The following FLNC variants were observed in gnomAD, a reference collection of about 807,000 sequenced individuals.
FLNC encodes filamin-C.
FLNC carries 91 observed loss-of-function variants against 254.3 expected under a neutral mutation model. The ratio of observed to expected loss-of-function variants is 0.36; its 90% CI spans 0.30 to 0.43. FLNC has a LOEUF of 0.43. FLNC is among the 20% of genes least tolerant of loss of function. The pLI, the probability that FLNC is intolerant of heterozygous loss-of-function variation, is 1.00. For synonymous variants in FLNC, 1,430 were observed against 1,577.2 expected, an observed-to-expected ratio of 0.91 and a Z score of 2.21; for missense variants, 2,853 against 3,802.6, an observed-to-expected ratio of 0.75 and a Z score of 6.57.
rs778583356 is a variant in FLNC at position 128,848,066 on chromosome 7, C to G, written c.4578C>G (p.Arg1526=). The change falls in exon 26 of 48, where the codon CGC becomes CGG. Residue 1526 remains arginine, a splice_region_variant and synonymous_variant. Coordinates refer to ENST00000325888, the MANE Select transcript of FLNC (RefSeq NM_001458.5). The part of the protein sequence containing the change: ...AVKYADQEVP[R]SPFKIKVLPA... ...AGTATGCTGACCAGGAGGTGCCACG[C>G]AGGTGAGGACCAGCCCTGGGCTCCT... is the stretch of plus-strand genomic sequence containing the variant. The G allele has an allele frequency of 1.2e-6, 2 of 1,602,500 alleles. No individual in the cohort carries two copies. Among genetic ancestry groups the G allele is most frequent in the South Asian group, 1.1e-5 (1 of 89,326 alleles).
rs1375891204 is a variant in FLNC at position 128,845,212 on chromosome 7, T to C, written c.3747T>C (p.Asp1249=). 2 of 1,613,842 alleles carry C rather than the reference T, an allele frequency of 1.2e-6. No homozygotes were observed. Among genetic ancestry groups the C allele is most frequent in the East Asian group, 4.5e-5 (2 of 44,882 alleles). Residue 1249 remains aspartate, a synonymous_variant, in exon 21 of 48, where the codon GAT becomes GAC. Transcript: ENST00000325888. ...GTGTCCATGTGCAGCCTGCGGTCGATACCAGTGGCGTCAAGGTCTCAGGGC... is the reference window on the plus strand; with the variant it reads ...GTGTCCATGTGCAGCCTGCGGTCGACACCAGTGGCGTCAAGGTCTCAGGGC... ...PTRVHVQPAV[D]TSGVKVSGPG...
rs1289635290 is a variant in FLNC, at chr7:128,859,055, C to T, written c.*532C>T. 1.8e-5 allele frequency: 3 copies of T among 168,852 alleles called. No homozygotes were observed. The highest frequency in any genetic ancestry group is 1.6e-4 in the East Asian group (1 of 6,266). 10.5% of individuals were successfully genotyped at this position (168,852 alleles called of 1,614,324 possible). On this transcript the variant is annotated 3_prime_UTR_variant, in exon 48 of 48. Coordinates refer to ENST00000325888, the MANE Select transcript of FLNC (RefSeq NM_001458.5). Reference sequence around the variant, plus strand: ...AGCAGGAGTGGCCTGGCACATGGACCGGCCTGAGCGATGTGCACTCCACCC... The same window carrying T: ...AGCAGGAGTGGCCTGGCACATGGACTGGCCTGAGCGATGTGCACTCCACCC...
rs78923673 is a variant in FLNC, at chr7:128,831,883, G to A, written c.352+894G>A. Among the ~76,000 whole-genome samples the A allele has an allele frequency of 3.0e-4, 45 of 152,254 alleles. No individual in the cohort carries two copies. The East Asian group carries it at 7.0e-3, about 24-fold the overall frequency. On this transcript the variant is annotated intron_variant, in intron 1 of 47. Coordinates refer to ENST00000325888, the MANE Select transcript of FLNC (RefSeq NM_001458.5). ...GCTTGGAGTGGCAGGAGGCTGTCCT[G>A]CCCTCAGAGTCCTGCAGTCATCCCT... is the stretch of plus-strand genomic sequence containing the variant.
Position 128,837,238 on chromosome 7 carries a change from A to G in FLNC, c.680A>G (p.Asp227Gly). The G allele has an allele frequency of 1.3e-6, 2 of 1,585,728 alleles. No individual in the cohort carries two copies. Among genetic ancestry groups the G allele is most frequent in the Non-Finnish European group, 1.7e-6 (2 of 1,166,468 alleles). The part of the protein sequence containing the change: ...NAREAMQQAD[D>G]WLGVPQVIAP... The stretch of plus-strand genomic sequence containing the variant: ...CGGGAGGCCATGCAGCAGGCCGACG[A>G]CTGGCTTGGGGTGCCCCAGGTACAT... The change falls in exon 3 of 48, where the codon GAC becomes GGC. Residue 227 changes from aspartate (D) to glycine (G), a missense_variant. Physicochemically the swap from Asp to Gly is moderately conservative, Grantham distance 94 (BLOSUM62 -1). Around this residue, in one of 10 missense-constraint regions of FLNC, gnomAD observed 115 missense variants for 230.3 expected, o/e 0.50. Coordinates refer to ENST00000325888, the MANE Select transcript of FLNC (RefSeq NM_001458.5).
intron 32 of FLNC, 124 bp from the exon 33 acceptor site, chr7:128,850,679 C>T (rs1284092775): frequency 6.8e-7 from 1 of 1,464,872 alleles, no homozygotes; most frequent in Middle Eastern, 2.3e-4. Flanking sequence ...GCCACTGCCA[C>T]AGGCTGTCTC....
In FLNC at chr7:128,841,588, T is replaced by C; in HGVS notation, c.2121+21T>C. The C allele has an allele frequency of 1.3e-6, 2 of 1,580,578 alleles. No individual in the cohort carries two copies. Among genetic ancestry groups the C allele is most frequent in the Non-Finnish European group, 1.7e-6 (2 of 1,149,402 alleles). On this transcript the variant is annotated intron_variant, in intron 13 of 47. Coordinates refer to ENST00000325888, the MANE Select transcript of FLNC (RefSeq NM_001458.5). This position sits in a 1 kb window ranked among gnomAD's most constrained non-coding sequence, Gnocchi z 4.3. ...CCCAGGTAGGTCATTGTCCAGTCTC[T>C]GCTGCCCTTACTACCCATGGCAGGG...
Position 128,848,994 on chromosome 7 carries a change from C to T in FLNC, c.4927+12C>T, listed in dbSNP as rs1403782225. The T allele has an allele frequency of 1.2e-5, 20 of 1,609,366 alleles. No homozygotes were observed. The highest frequency in any genetic ancestry group is 1.5e-5 in the Non-Finnish European group (18 of 1,178,164). ...GTGCCTCGTCACAGGTGGGTGCCCA[C>T]CCGCTGCCCGTGCCCTGCTCACCAC... On this transcript the variant is annotated intron_variant, in intron 28 of 47. Transcript: ENST00000325888.
chr7:128,841,386 C>A lies in FLNC; in HGVS notation c.2007+23C>A. 1 of 1,613,900 alleles carries A rather than the reference C, an allele frequency of 6.2e-7. No individual in the cohort carries two copies. On this transcript the variant is annotated intron_variant, in intron 12 of 47. Coordinates refer to ENST00000325888, the MANE Select transcript of FLNC (RefSeq NM_001458.5). This position sits in a 1 kb window ranked among gnomAD's most constrained non-coding sequence, Gnocchi z 4.3. Reference sequence around the variant, plus strand: ...AAGGTGTGGTCCCAGCTCACACACACCTGCCCCGGGGGTGGGGCAAGCTGG... The same window carrying A: ...AAGGTGTGGTCCCAGCTCACACACAACTGCCCCGGGGGTGGGGCAAGCTGG...
chr7:128,842,056 GTGGGCTCTGGCCGCCAGAGCACGTGGCCC>G lies in FLNC; in HGVS notation c.2122-164_2122-136del, dbSNP rs1229604373. Among the ~76,000 whole-genome samples, 2 of 152,058 alleles carry G rather than the reference GTGGGCTCTGGCCGCCAGAGCACGTGGCCC, an allele frequency of 1.3e-5. No individual in the cohort carries two copies. Among genetic ancestry groups the G allele is most frequent in the African/African-American group, 4.8e-5 (2 of 41,382 alleles). ...GATGGCCTTGAGTCAGGCTCCCAGG[GTGGGCTCTGGCCGCCAGAGCACGTGGCCC>G]TGGGCTCTGGTGGCCTCAGTGGCTG... On this transcript the variant is annotated intron_variant, in intron 13 of 47. Transcript: ENST00000325888. This position sits in a 1 kb window ranked among gnomAD's most constrained non-coding sequence, Gnocchi z 5.4.
chr7:128,839,740 G>A (rs1808250243), intron 8 of FLNC, among the ~76,000 whole-genome samples: 1 of 152,220 alleles, frequency 6.6e-6, no homozygotes, highest in Non-Finnish European at 1.5e-5. Context: ...CTGGGTAAAG[G>A]GGCCTTCCCT....
In FLNC at chr7:128,842,252, G is replaced by A. The variant is rs770037118; in HGVS notation, c.2143G>A (p.Asp715Asn). Residue 715 changes from aspartate to asparagine, a missense_variant, in exon 14 of 48, where the codon GAC (aspartate) becomes AAC (asparagine). This residue lies in a region of FLNC where 1,573 missense variants were observed against 1,883.5 expected (regional missense o/e 0.84). Transcript: ENST00000325888. The surrounding 1 kb of genome is among the most constrained non-coding windows in gnomAD (Gnocchi z 5.4). ...ACAGGACGCCGACGGCTGTCCCATC[G>A]ACATCAAGGTGATCCCCAACGGCGA... Reference protein sequence around the residue: ...YAQDADGCPIDIKVIPNGDGT... With the variant: ...YAQDADGCPINIKVIPNGDGT... 7 of 1,613,588 alleles carry A rather than the reference G, an allele frequency of 4.3e-6. No homozygotes were observed. In the East Asian group the frequency reaches 8.9e-5, roughly 21 times the overall value.
rs758066777 is a variant in FLNC, at chr7:128,844,176, G to T, written c.3102G>T (p.Gly1034=). ...QAVRYMPPEE[G]PYKVDITYDG... is the part of the protein sequence containing the mutation. ...TGCGCTACATGCCCCCGGAGGAGGG[G>T]CCCTACAAGGTGGATATCACCTACG... Residue 1034 remains glycine, a synonymous_variant, in exon 20 of 48, where the codon GGG becomes GGT. Transcript: ENST00000325888. The T allele has an allele frequency of 6.8e-6, 11 of 1,613,746 alleles. No individual in the cohort carries two copies. In the Admixed American group the frequency reaches 1.8e-4, roughly 27 times the overall value.
intron 9 of FLNC, 124 bp downstream of exon 9, chr7:128,840,284 A>C (rs1585155406): frequency 8.2e-7 from 1 of 1,224,956 alleles, no homozygotes. Flanking sequence ...GACCAGAGGC[A>C]CCCCAGAATC....
intron 8 of FLNC, among the ~76,000 whole-genome samples, chr7:128,839,105 T>C (rs1263095060): frequency 6.6e-6 from 1 of 152,244 alleles, no homozygotes; most frequent in East Asian, 1.9e-4. Context: ...GTTCTCTCCC[T>C]GCACTCAGTG....
chr7:128,848,353 G>A (rs975780647), intron 26 of FLNC, among the ~76,000 whole-genome samples: 21 of 152,086 alleles, frequency 1.4e-4, no homozygotes, highest in African/African-American at 4.6e-4. Context: ...GAATGGAGAC[G>A]TACCCTGGCT....
Position 128,838,722 on chromosome 7 carries a change from A to G in FLNC, c.1330A>G (p.Met444Val). 6.2e-7 allele frequency: 1 copy of G among 1,613,010 alleles called. No individual in the cohort carries two copies. Among genetic ancestry groups the G allele is most frequent in the South Asian group, 1.1e-5 (1 of 91,084 alleles). ...STFRCTYRPAMEGPHTVHVAF... is the reference protein window; with the variant it reads ...STFRCTYRPAVEGPHTVHVAF... The stretch of plus-strand genomic sequence containing the variant: ...GTTCCGCTGCACATACAGACCTGCC[A>G]TGGAGGGGCCACATACCGTGCATGT... Residue 444 changes from methionine to valine, a missense_variant, in exon 8 of 48, where the codon ATG becomes GTG. Transcript: ENST00000325888.
chr7:128,854,106 G>A lies in FLNC; in HGVS notation c.6617G>A (p.Arg2206Gln), dbSNP rs781671804. The A allele has an allele frequency of 1.9e-6, 3 of 1,612,910 alleles. No individual in the cohort carries two copies. Among genetic ancestry groups the A allele is most frequent in the Non-Finnish European group, 1.7e-6 (2 of 1,179,920 alleles). Residue 2206 changes from arginine (R) to glutamine (Q), a missense_variant, in exon 40 of 48, where the codon CGG becomes CAG. Arg to Gln is a conservative substitution (Grantham distance 43). Coordinates refer to ENST00000325888, the MANE Select transcript of FLNC (RefSeq NM_001458.5). ...GGCGGGGAGACAAAGCGCGAGGTGC[G>A]GGTGGAGGAGTCCACCCAGGTCGGC... ...TRGGETKREV[R>Q]VEESTQVGGD...
chr7:128,841,697 C>T lies in FLNC; in HGVS notation c.2121+130C>T. The T allele has an allele frequency of 1.3e-6, 1 of 755,616 alleles. No individual in the cohort carries two copies. Among genetic ancestry groups the T allele is most frequent in the Non-Finnish European group, 2.4e-6 (1 of 416,738 alleles). The allele number at this position is 755,616 out of a possible 1,614,324, so 46.8% of individuals were successfully genotyped here. On this transcript the variant is annotated intron_variant, in intron 13 of 47. Transcript: ENST00000325888. The surrounding 1 kb of genome is among the most constrained non-coding windows in gnomAD (Gnocchi z 4.3). ...CACAGAAGATCAGGCAGGACTGATA[C>T]TCATGGGCCCATCAGTACCATGGAA...
intron 37 of FLNC, 152 bp from the exon 38 acceptor site, chr7:128,853,317 G>GTGCCCCCGCTCC: frequency 6.4e-6 from 6 of 942,708 alleles, no homozygotes; most frequent in Non-Finnish European, 9.8e-6. Flanking sequence ...CTGTCCCGTG[G>GTGCCCCCGCTCC]TGCCCCCGCT....
Sources: gnomAD v4.1 joint callset for allele counts (sites outside exome capture counted in the v4.1 genomes callset) on GRCh38, gnomAD v4.1.1 for gene constraint, gnomAD v4.1.1 regional missense constraint, Gnocchi (gnomAD v3.1) non-coding constraint, MANE v1.5 for transcripts, NCBI Gene and HGNC (gene_info 2026-07-23, HGNC 2026-07-21) for gene names.